The following FBLN5 variants were observed in gnomAD, a reference collection of about 807,000 sequenced individuals.
FBLN5 encodes the protein fibulin-5.
In FBLN5, 24 loss-of-function variants were observed where a neutral mutation model predicts 61.6. The observed-to-expected ratio is 0.39, with a 90% CI of 0.28 to 0.55. The LOEUF (loss-of-function observed/expected upper bound fraction) is 0.55, where lower values mean the gene tolerates loss of function less well. Among genes scored for constraint, FBLN5 ranks in the 20% least tolerant of loss-of-function variants. The pLI is 0.65. For missense variants in FBLN5, 470 were observed against 594.1 expected (o/e 0.79, Z 2.17); for synonymous variants, 213 against 219.8 (o/e 0.97, Z 0.27).
chr14:91,892,972 T>C (rs17805191), intron 5 of FBLN5, among the ~76,000 whole-genome samples: 29,369 of 151,998 alleles, frequency 0.19, 3,335 homozygotes, highest in Middle Eastern at 0.34. Context: ...CACAGCTCCA[T>C]GCTCCCAGGA....
chr14:91,891,616 G>A (rs1359147532), intron 5 of FBLN5, among the ~76,000 whole-genome samples: 2 of 152,166 alleles, frequency 1.3e-5, no homozygotes. Flanking sequence ...CTTCGATTGG[G>A]ATGTTGGGCA....
intron 4 of FBLN5, among the ~76,000 whole-genome samples, chr14:91,931,117 C>G (rs1376644040): frequency 6.6e-6 from 1 of 152,180 alleles, no homozygotes; most frequent in Non-Finnish European, 1.5e-5. Context: ...GGAAACCAAC[C>G]CCCGTCCTCA....
At chr14:91,879,487 A>G (rs1889318482) in intron 9 of FBLN5, among the ~76,000 whole-genome samples, 1 of 152,176 alleles carries the variant, frequency 6.6e-6, no homozygotes, top group South Asian at 2.1e-4. Flanking sequence ...GTCACGGAGC[A>G]TTGTCAGCGT....
chr14:91,910,611 A>C (rs1890878310), intron 4 of FBLN5, among the ~76,000 whole-genome samples: 1 of 152,216 alleles, frequency 6.6e-6, no homozygotes, highest in African/African-American at 2.4e-5. Context: ...TTCCCACTGA[A>C]AGAAATAATC....
At chr14:91,877,364 C>G (rs1047189137) in intron 10 of FBLN5, 123 bp downstream of exon 10, 2 of 824,632 alleles carry the variant, frequency 2.4e-6, no homozygotes, top group Non-Finnish European at 4.2e-6. Flanking sequence ...ACACCCTCCA[C>G]TCTTCTCTCT....
intron 2 of FBLN5, 141 bp from the exon 3 acceptor site, chr14:91,940,757 G>C (rs2056092637): frequency 1.4e-6 from 1 of 722,076 alleles, no homozygotes; most frequent in Non-Finnish European, 2.4e-6. Context: ...ACCCCTATTT[G>C]TTCTTCTAAA....
At chr14:91,888,938 C>A (rs550508381) in intron 6 of FBLN5, among the ~76,000 whole-genome samples, 2 of 152,316 alleles carry the variant, frequency 1.3e-5, no homozygotes, top group South Asian at 2.1e-4. Flanking sequence ...TCCATGTAAA[C>A]CTCTTAGGCC....
At chr14:91,893,728 CA>C (rs1260425572) in intron 5 of FBLN5, among the ~76,000 whole-genome samples, 1 of 152,164 alleles carries the variant, frequency 6.6e-6, no homozygotes, top group Non-Finnish European at 1.5e-5. Context: ...AATAACCTTC[CA>C]GTAAAATAAA....
At chr14:91,942,048 C>A in intron 2 of FBLN5, 1 of 433,438 alleles carries the variant, frequency 2.3e-6, no homozygotes, top group South Asian at 1.6e-5. Context: ...TGCCTGCAGC[C>A]CTCAGCCTGC....
At chr14:91,916,961 C>T (rs1011017320) in intron 4 of FBLN5, among the ~76,000 whole-genome samples, 1 of 152,158 alleles carries the variant, frequency 6.6e-6, no homozygotes, top group South Asian at 2.1e-4. Flanking sequence ...TGTAGGCTTG[C>T]TAAATCAAAG....
At chr14:91,931,390 C>A (rs1327606723) in intron 4 of FBLN5, among the ~76,000 whole-genome samples, 2 of 152,186 alleles carry the variant, frequency 1.3e-5, no homozygotes, top group African/African-American at 2.4e-5. Flanking sequence ...CTGGCACCAA[C>A]AAAGCACTCT....
In FBLN5 at chr14:91,947,610, G is replaced by A; in HGVS notation, c.-381C>T. 3.8e-6 allele frequency: 1 copy of A among 263,324 alleles called. No individual in the cohort carries two copies. Among genetic ancestry groups the A allele is most frequent in the Non-Finnish European group, 7.3e-6 (1 of 136,076 alleles). The allele number at this position is 263,324 out of a possible 1,614,324, so 16.3% of individuals were successfully genotyped here. On this transcript the variant is annotated 5_prime_UTR_variant, in exon 1 of 11. Transcript: ENST00000342058. This position sits in a 1 kb window ranked among gnomAD's most constrained non-coding sequence, Gnocchi z 4.3. ...GGCTAGACTCCTCACAACAATCTTG[G>A]GGCGTCTGCCAGGGCCCAGTGCTCG... is the stretch of plus-strand genomic sequence containing the variant.
intron 10 of FBLN5, chr14:91,874,058 TTG>T (rs150051720): frequency 2.6e-5 from 4 of 152,250 alleles, no homozygotes; most frequent in Middle Eastern, 3.4e-3. Context: ...ATGAATGGGC[TTG>T]TGTGTGTGTG....
intron 4 of FBLN5, among the ~76,000 whole-genome samples, chr14:91,904,330 T>C (rs1017134446): frequency 1.3e-5 from 2 of 152,154 alleles, no homozygotes; most frequent in African/African-American, 4.8e-5. Context: ...ATCTACCTTA[T>C]TGTGGCCCGT....
rs559698100 is a variant in FBLN5 at position 91,898,484 on chromosome 14, G to C, written c.380-3412C>G. Among the ~76,000 whole-genome samples the C allele has an allele frequency of 1.4e-3, 209 of 152,040 alleles. 1 individual carries two copies. The highest frequency in any genetic ancestry group is 2.3e-3 in the Admixed American group (35 of 15,276). The stretch of plus-strand genomic sequence containing the variant: ...GTGTTCACACGGTGGGCTTTCTCGG[G>C]GGGAGGCTGAAAGACTCATCACACA... On this transcript the variant is annotated intron_variant, in intron 4 of 10. Coordinates refer to ENST00000342058, the MANE Select transcript of FBLN5 (RefSeq NM_006329.4).
intron 2 of FBLN5, 117 bp from the exon 3 acceptor site, chr14:91,940,733 A>G: frequency 1.3e-6 from 1 of 787,626 alleles, no homozygotes. Flanking sequence ...CAAAATACCA[A>G]TACCTGTATT....
rs188563440 is a variant in FBLN5, at chr14:91,947,123, G to A, written c.17+90C>T. 6.2e-5 allele frequency: 98 copies of A among 1,589,428 alleles called. No individual in the cohort carries two copies. In the African/African-American group the frequency reaches 1.1e-3, roughly 17 times the overall value. ...CTTTTCCAATATCCTGACACCGCCTGAATCGCAGCCATAACCATTTTCCAC... is the reference window on the plus strand; with the variant it reads ...CTTTTCCAATATCCTGACACCGCCTAAATCGCAGCCATAACCATTTTCCAC... On this transcript the variant is annotated intron_variant, in intron 1 of 10. Transcript: ENST00000342058. The surrounding 1 kb of genome is among the most constrained non-coding windows in gnomAD (Gnocchi z 4.3).
chr14:91,914,756 G>A (rs1891115260), intron 4 of FBLN5, among the ~76,000 whole-genome samples: 1 of 150,614 alleles, frequency 6.6e-6, no homozygotes, highest in Non-Finnish European at 1.5e-5. Context: ...GAGCAACAAA[G>A]CAAAATATTT....
intron 4 of FBLN5, among the ~76,000 whole-genome samples, chr14:91,895,797 CAAA>C (rs60216411): frequency 6.3e-5 from 4 of 63,492 alleles, no homozygotes. Context: ...GACCCTGTCT[CAAA>C]AAAAAAAAAA....
Sources: allele counts gnomAD v4.1 joint callset (sites outside exome capture counted in the v4.1 genomes callset), GRCh38; gene constraint gnomAD v4.1.1; non-coding constraint Gnocchi (gnomAD v3.1); transcripts MANE v1.5; gene names NCBI Gene and HGNC (gene_info 2026-07-23, HGNC 2026-07-21).